Variants in MAP7 observed in about 807,000 individuals in gnomAD.
The protein encoded by MAP7 is microtubule associated protein 7.
MAP7 carries 52 observed loss-of-function variants against 94.8 expected under a neutral mutation model. The observed-to-expected ratio is 0.55, with a 90% CI of 0.44 to 0.69. MAP7 has a LOEUF of 0.69. Ranked by LOEUF, MAP7 falls within the 30% of genes least tolerant of loss-of-function variation. The pLI is 0.00. For missense variants in MAP7, 940 were observed against 964.6 expected (o/e 0.97, Z 0.34); for synonymous variants, 350 against 357.0 (o/e 0.98, Z 0.22).
intron 2 of MAP7, among the ~76,000 whole-genome samples, chr6:136,420,814 A>G (rs956893849): frequency 2.3e-5 from 1 of 42,666 alleles, no homozygotes; most frequent in Non-Finnish European, 5.0e-5. Flanking sequence ...CCTTTTCCAC[A>G]TGAAAAAAAA....
In MAP7 at chr6:136,346,050, T is replaced by C; in HGVS notation, c.2045A>G (p.Glu682Gly). ...STPDLEKQPN[E>G]NGVSVQNENF... ...TTCATTCTGAACAGATACACCATTTTCATTTGGTTGTTTTTCCAAATCGGG... is the reference window on the plus strand; with the variant it reads ...TTCATTCTGAACAGATACACCATTTCCATTTGGTTGTTTTTCCAAATCGGG... Residue 682 changes from glutamate (E) to glycine (G), a missense_variant, in exon 17 of 18, where the codon GAA becomes GGA. Glu to Gly is a moderately conservative substitution (Grantham distance 98). Transcript: ENST00000354570. 4 of 1,612,900 alleles carry C rather than the reference T, an allele frequency of 2.5e-6. No homozygotes were observed. Among genetic ancestry groups the C allele is most frequent in the Non-Finnish European group, 3.4e-6 (4 of 1,179,278 alleles).
intron 1 of MAP7, among the ~76,000 whole-genome samples, chr6:136,436,340 A>G (rs1464259755): frequency 2.0e-5 from 3 of 152,092 alleles, no homozygotes; most frequent in African/African-American, 4.8e-5. Context: ...GTAACTACTT[A>G]TGCCTGAAAA....
At chr6:136,468,106 C>T (rs1370253514) in intron 1 of MAP7, among the ~76,000 whole-genome samples, 1 of 152,184 alleles carries the variant, frequency 6.6e-6, no homozygotes, top group Non-Finnish European at 1.5e-5. Context: ...GTGACCACCA[C>T]TCCCCACCCA....
At chr6:136,404,213 T>A (rs1784960001) in intron 3 of MAP7, among the ~76,000 whole-genome samples, 1 of 152,212 alleles carries the variant, frequency 6.6e-6, no homozygotes, top group Non-Finnish European at 1.5e-5. Flanking sequence ...TAACTTGCTA[T>A]CAGCATTTTT....
chr6:136,446,732 T>C (rs570966141), intron 1 of MAP7, among the ~76,000 whole-genome samples: 2 of 152,056 alleles, frequency 1.3e-5, no homozygotes, highest in Non-Finnish European at 2.9e-5. Context: ...TGCCAGAAAA[T>C]GGGAACAAAG....
intron 9 of MAP7, 58 bp downstream of exon 9, chr6:136,366,269 G>C (rs963868910): frequency 3.0e-6 from 4 of 1,326,804 alleles, no homozygotes; most frequent in Non-Finnish European, 4.4e-6. Flanking sequence ...TTTCAGAGGA[G>C]AGAGCTACTA....
At chr6:136,466,941 G>T in intron 1 of MAP7, 1 of 1,388,482 alleles carries the variant, frequency 7.2e-7, no homozygotes, top group South Asian at 1.8e-5. Context: ...CTCAAGAGGA[G>T]AGCAAAGGGT....
intron 1 of MAP7, among the ~76,000 whole-genome samples, chr6:136,425,353 A>T (rs1179056891): frequency 6.6e-6 from 1 of 152,252 alleles, no homozygotes; most frequent in Non-Finnish European, 1.5e-5. Context: ...GTGGGCATAC[A>T]GCCCCTTTGT....
chr6:136,390,679 TAAAAG>T (rs1405428814), intron 3 of MAP7, among the ~76,000 whole-genome samples: 1 of 151,858 alleles, frequency 6.6e-6, no homozygotes, highest in African/African-American at 2.4e-5. Context: ...AACAAACAAA[TAAAAG>T]AAAAAACATA....
chr6:136,388,481 T>C lies in MAP7; in HGVS notation c.438A>G (p.Thr146=), dbSNP rs761214704. 4 of 1,614,142 alleles carry C rather than the reference T, an allele frequency of 2.5e-6. No homozygotes were observed. Among genetic ancestry groups the C allele is most frequent in the Non-Finnish European group, 3.4e-6 (4 of 1,180,008 alleles). Residue 146 remains threonine, a synonymous_variant, in exon 5 of 18, where the codon ACA becomes ACG. Coordinates refer to ENST00000354570, the MANE Select transcript of MAP7 (RefSeq NM_003980.6). ...GTTTTGGCTTCTGGCTCCTTTCCAT[T>C]GTGCGCCGTACAACAGCTTCGTGGC... ...KERHEAVVRR[T]MERSQKPKQK... is the part of the protein sequence containing the mutation.
At chr6:136,400,428 A>G (rs1379434300) in intron 3 of MAP7, among the ~76,000 whole-genome samples, 2 of 152,062 alleles carry the variant, frequency 1.3e-5, no homozygotes, top group African/African-American at 2.4e-5. Context: ...AAAAAAAAAA[A>G]AAAGAGTTGG....
intron 1 of MAP7, among the ~76,000 whole-genome samples, chr6:136,532,623 A>ATT (rs59064974): frequency 6.7e-4 from 98 of 146,980 alleles, no homozygotes; most frequent in African/African-American, 2.0e-3. Context: ...TACAGGTTGA[A>ATT]TTTTTTTTTT....
intron 2 of MAP7, among the ~76,000 whole-genome samples, chr6:136,421,250 G>A (rs1287314483): frequency 2.0e-5 from 3 of 152,318 alleles, no homozygotes; most frequent in African/African-American, 7.2e-5. Flanking sequence ...TTTGCTATGT[G>A]TAAAGATTTC....
intron 1 of MAP7, among the ~76,000 whole-genome samples, chr6:136,492,108 G>T (rs932439528): frequency 3.3e-5 from 5 of 152,146 alleles, no homozygotes; most frequent in East Asian, 1.9e-4. Flanking sequence ...GGCAGGGGGT[G>T]GGGGGAGAGA....
chr6:136,360,567 T>G, intron 13 of MAP7, 130 bp downstream of exon 13: 1 of 718,012 alleles, frequency 1.4e-6, no homozygotes, highest in East Asian at 2.5e-5. Context: ...TGCAGGAGAT[T>G]GTTATCACTG....
chr6:136,394,931 CATATATAT>C (rs144839767), intron 3 of MAP7, among the ~76,000 whole-genome samples: 1,040 of 27,482 alleles, frequency 0.038, 56 homozygotes, highest in Middle Eastern at 0.083. Flanking sequence ...AATATTCCAT[CATATATAT>C]ATATATATAT....
chr6:136,378,475 C>A (rs2128624991), intron 6 of MAP7, among the ~76,000 whole-genome samples: 1 of 152,226 alleles, frequency 6.6e-6, no homozygotes, highest in Middle Eastern at 3.4e-3. Flanking sequence ...TCCTTTTGAC[C>A]TTTTCACTTG....
At chr6:136,497,523 C>T (rs1321441875) in intron 1 of MAP7, among the ~76,000 whole-genome samples, 1 of 143,230 alleles carries the variant, frequency 7.0e-6, no homozygotes, top group Non-Finnish European at 1.5e-5. Flanking sequence ...TGTCATCTTA[C>T]TTAAAAAAAA....
chr6:136,434,891 T>C (rs1050090700), intron 1 of MAP7, among the ~76,000 whole-genome samples: 40 of 152,180 alleles, frequency 2.6e-4, no homozygotes, highest in African/African-American at 7.7e-4. Context: ...GGAGCATTCA[T>C]AGCTGCAGAG....
Sources: gnomAD v4.1 joint callset for allele counts (sites outside exome capture counted in the v4.1 genomes callset) on GRCh38, gnomAD v4.1.1 for gene constraint, MANE v1.5 for transcripts, NCBI Gene and HGNC (gene_info 2026-07-23, HGNC 2026-07-21) for gene names.